The following SEC24A variants were observed in gnomAD, a reference collection of about 807,000 sequenced individuals.
SEC24A encodes the protein SEC24 homolog A, COPII component, also known as protein transport protein Sec24A.
SEC24A carries 93 observed loss-of-function variants against 129.4 expected under a neutral mutation model. That is an observed-to-expected ratio of 0.72 (90% CI 0.61 to 0.85). The LOEUF is 0.85. Ranked by LOEUF, SEC24A falls within the 40% of genes least tolerant of loss-of-function variation. The pLI, the probability that SEC24A is intolerant of heterozygous loss-of-function variation, is 0.00. For missense variants in SEC24A, 1,264 were observed against 1,307.4 expected, an observed-to-expected ratio of 0.97 and a Z score of 0.51; for synonymous variants, 460 against 467.3, an observed-to-expected ratio of 0.98 and a Z score of 0.20.
chr5:134,716,994 C>T (rs905923418), intron 19 of SEC24A, among the ~76,000 whole-genome samples: 1 of 150,878 alleles, frequency 6.6e-6, no homozygotes, highest in African/African-American at 2.4e-5. Flanking sequence ...ATTCTCCTGC[C>T]TCAGCCTCCC....
chr5:134,703,448 G>C (rs556712243), intron 15 of SEC24A, among the ~76,000 whole-genome samples: 93 of 152,032 alleles, frequency 6.1e-4, no homozygotes, highest in African/African-American at 2.1e-3. Context: ...TTGTGTTTTT[G>C]GTAGAGACAG....
intron 1 of SEC24A, among the ~76,000 whole-genome samples, chr5:134,654,364 GGCGTGCACCACCATGCTCAGCTAA>G (rs1247574074): frequency 1.3e-5 from 2 of 151,810 alleles, no homozygotes; most frequent in African/African-American, 2.4e-5. Context: ...TGGGACTACA[GGCGTGCACCACCATGCTCAGCTAA>G]TTTTTGTATA....
chr5:134,667,669 C>CAAAAAAAAAAAAAAAAAAAAAAAAA, intron 3 of SEC24A, among the ~76,000 whole-genome samples: 1 of 115,038 alleles, frequency 8.7e-6, no homozygotes, highest in Non-Finnish European at 1.8e-5. Context: ...AAAAAAAAAA[C>CAAAAAAAAAAAAAAAAAAAAAAAAA]AAAAAAAAAA....
At chr5:134,698,450 A>G (rs1209205983) in intron 15 of SEC24A, among the ~76,000 whole-genome samples, 1 of 152,026 alleles carries the variant, frequency 6.6e-6, no homozygotes, top group Non-Finnish European at 1.5e-5. Context: ...CGAAAAATAC[A>G]AAAACTTAGC....
At chr5:134,714,802 C>A (rs2150111126) in intron 18 of SEC24A, among the ~76,000 whole-genome samples, 1 of 152,256 alleles carries the variant, frequency 6.6e-6, no homozygotes, top group East Asian at 1.9e-4. Flanking sequence ...GATCAGATAA[C>A]TTTGCCATGG....
intron 7 of SEC24A, among the ~76,000 whole-genome samples, chr5:134,679,273 G>A (rs756176699): frequency 2.6e-5 from 4 of 151,530 alleles, no homozygotes; most frequent in Non-Finnish European, 4.4e-5. Context: ...TGCCCAGGCC[G>A]GTCTCAAACT....
At chr5:134,702,220 G>A (rs1278269594) in intron 15 of SEC24A, among the ~76,000 whole-genome samples, 1 of 152,086 alleles carries the variant, frequency 6.6e-6, no homozygotes, top group African/African-American at 2.4e-5. Context: ...TCACTATGTT[G>A]CCCAGGCTTG....
At chr5:134,722,069 G>A (rs931685382) in intron 21 of SEC24A, among the ~76,000 whole-genome samples, 2 of 152,162 alleles carry the variant, frequency 1.3e-5, no homozygotes, top group African/African-American at 4.8e-5. Flanking sequence ...AGAACTAAGA[G>A]GTTTTTTTAG....
At chr5:134,682,668 G>A (rs191854259) in intron 9 of SEC24A, among the ~76,000 whole-genome samples, 186 bp downstream of exon 9, 174 of 152,232 alleles carry the variant, frequency 1.1e-3, no homozygotes, top group African/African-American at 4.0e-3. Flanking sequence ...TCGACCTCCC[G>A]TGCTCAAGTG....
At chr5:134,718,295 C>G (rs753652009) in intron 20 of SEC24A, 122 bp downstream of exon 20, 60 of 620,578 alleles carry the variant, frequency 9.7e-5, no homozygotes, top group Non-Finnish European at 1.5e-4. Context: ...AACCTATATA[C>G]AGTCGTACAC....
chr5:134,652,591 G>A (rs1750096961), intron 1 of SEC24A, among the ~76,000 whole-genome samples: 1 of 150,768 alleles, frequency 6.6e-6, no homozygotes, highest in African/African-American at 2.4e-5. Context: ...TGGCCAGTTT[G>A]GTGTTTTTTG....
chr5:134,692,718 A>G (rs754956983), intron 12 of SEC24A, 61 bp downstream of exon 12: 7 of 1,007,440 alleles, frequency 6.9e-6, no homozygotes, highest in Non-Finnish European at 1.1e-5. Context: ...ATGTTTTTGA[A>G]ATGAACTTTA....
rs1749953532 is a variant in SEC24A, at chr5:134,648,999, C to G, written c.-78C>G. On this transcript the variant is annotated 5_prime_UTR_variant, in exon 1 of 23. Coordinates refer to ENST00000398844, the MANE Select transcript of SEC24A (RefSeq NM_021982.3). ...TCTTAAGTCGTTAGCCTCCTCCCTC[C>G]GCTTTCAGCAGTGGTCTTTCAGCTC... is the stretch of plus-strand genomic sequence containing the variant. 1 of 1,059,524 alleles carries G rather than the reference C, an allele frequency of 9.4e-7. No homozygotes were observed. The highest frequency in any genetic ancestry group is 2.6e-5 in the East Asian group (1 of 38,990). The allele number at this position is 1,059,524 out of a possible 1,614,324, so 65.6% of individuals were successfully genotyped here.
At chr5:134,657,182 G>GCACACACACACACA (rs70976550) in intron 1 of SEC24A, among the ~76,000 whole-genome samples, 137 of 136,308 alleles carry the variant, frequency 1.0e-3, no homozygotes, top group African/African-American at 3.3e-3. Context: ...TCTGAAAAAC[G>GCACACACACACACA]CACACACACA....
At chr5:134,693,364 C>A (rs769133728) in intron 12 of SEC24A, 67 of 1,359,220 alleles carry the variant, frequency 4.9e-5, no homozygotes, top group Non-Finnish European at 6.2e-5. Context: ...GAGCTAAACT[C>A]GCTTTGGAAC....
chr5:134,678,866 C>T lies in SEC24A; in HGVS notation c.1255-736C>T, dbSNP rs182340678. On this transcript the variant is annotated intron_variant, in intron 7 of 22. Transcript: ENST00000398844. Reference sequence around the variant, plus strand: ...AAGTGCTGGGATTACAGGCATGAGCCACCACGCCCAGCCTATTTTTATTTT... The same window carrying T: ...AAGTGCTGGGATTACAGGCATGAGCTACCACGCCCAGCCTATTTTTATTTT... Among the ~76,000 whole-genome samples the T allele has an allele frequency of 5.9e-3, 900 of 152,172 alleles. 4 individuals are homozygous for T. Among genetic ancestry groups the T allele is most frequent in the Middle Eastern group, 0.027 (8 of 294 alleles).
chr5:134,652,654 C>G (rs1050563019), intron 1 of SEC24A, among the ~76,000 whole-genome samples: 1 of 152,146 alleles, frequency 6.6e-6, no homozygotes, highest in African/African-American at 2.4e-5. Context: ...GTGGTGCGAT[C>G]TCAGCTCACT....
At chr5:134,712,037 G>A (rs957622769) in intron 18 of SEC24A, among the ~76,000 whole-genome samples, 10 of 151,606 alleles carry the variant, frequency 6.6e-5, no homozygotes, top group East Asian at 3.9e-4. Context: ...GTGAGCCACC[G>A]CGCCTGGCCG....
At chr5:134,664,575 T>G (rs937577684) in intron 2 of SEC24A, among the ~76,000 whole-genome samples, 1 of 152,158 alleles carries the variant, frequency 6.6e-6, no homozygotes, top group African/African-American at 2.4e-5. Flanking sequence ...GGTTACATCT[T>G]TGTGGCCAGA....
Sources: gnomAD v4.1 joint callset for allele counts (sites outside exome capture counted in the v4.1 genomes callset) on GRCh38, gnomAD v4.1.1 for gene constraint, MANE v1.5 for transcripts, NCBI Gene and HGNC (gene_info 2026-07-23, HGNC 2026-07-21) for gene names.